DISC1: variants seen among roughly 807,000 people sequenced by gnomAD.
The protein encoded by DISC1 is DISC1 scaffold protein.
In DISC1, 57 loss-of-function variants were observed where a neutral mutation model predicts 84.5. The ratio of observed to expected loss-of-function variants is 0.67; its 90% CI spans 0.55 to 0.84. DISC1 has a LOEUF of 0.84. Among genes scored for constraint, DISC1 ranks in the 40% least tolerant of loss-of-function variants. DISC1 has a pLI of 0.00. For missense variants in DISC1, 1,000 were observed against 1,057.8 expected (o/e 0.95, Z 0.76); for synonymous variants, 411 against 415.2 (o/e 0.99, Z 0.12).
intron 3 of DISC1, chr1:231,720,729 G>T: frequency 1.4e-6 from 1 of 737,562 alleles, no homozygotes; most frequent in Non-Finnish European, 2.0e-6. Context: ...TTTCCCTTGG[G>T]GCTTTCTGCA....
chr1:231,813,556 G>T (rs149327181), intron 8 of DISC1, among the ~76,000 whole-genome samples: 1 of 152,100 alleles, frequency 6.6e-6, no homozygotes, highest in African/African-American at 2.4e-5. Flanking sequence ...TTACCGATCC[G>T]GGAAAAGTTT....
Position 232,031,763 on chromosome 1 carries a change from T to C in DISC1, c.2426-4929T>C, listed in dbSNP as rs1303755376. 6.6e-6 allele frequency among the ~76,000 whole-genome samples: 1 copy of C among 151,910 alleles called. No individual in the cohort carries two copies. The highest frequency in any genetic ancestry group is 1.5e-5 in the Non-Finnish European group (1 of 67,968). ...TTGGCACAAGGTAGGCAACACAGAG[T>C]TTCTGTGTACAAGCATCAAATCCTT... On this transcript the variant is annotated intron_variant, in intron 12 of 12. Transcript: ENST00000439617. The surrounding 1 kb of genome is among the most constrained non-coding windows in gnomAD (Gnocchi z 4.6).
chr1:231,900,289 T>C (rs1295011206), intron 9 of DISC1, among the ~76,000 whole-genome samples: 2 of 152,212 alleles, frequency 1.3e-5, no homozygotes, highest in Admixed American at 6.5e-5. Flanking sequence ...TCCCCGTTCA[T>C]GGAAAAATAC....
In DISC1 at chr1:231,642,275, G is replaced by A. The variant is rs1265449445; in HGVS notation, c.67+15341G>A. On this transcript the variant is annotated intron_variant, in intron 1 of 12. Coordinates refer to ENST00000439617, the MANE Select transcript of DISC1 (RefSeq NM_018662.3). ...GCACCGCGCGCAGCCCCCGGTTCCC[G>A]CCCGCGCCTCTCCCTCCACACCTGC... 5.3e-5 allele frequency among the ~76,000 whole-genome samples: 8 copies of A among 152,308 alleles called. No individual in the cohort carries two copies. In the East Asian group the frequency reaches 7.7e-4, roughly 15 times the overall value.
intron 6 of DISC1, among the ~76,000 whole-genome samples, chr1:231,774,205 G>A (rs2076779583): frequency 6.6e-6 from 1 of 152,080 alleles, no homozygotes; most frequent in South Asian, 2.1e-4. Context: ...AGTGAACTAT[G>A]ATTGTGCCAC....
intron 9 of DISC1, chr1:231,854,870 C>T (rs2125910200): frequency 2.4e-6 from 1 of 420,552 alleles, no homozygotes; most frequent in Admixed American, 2.6e-5. Context: ...GTGCCCGCCA[C>T]CATGCCTGGC....
chr1:232,027,850 C>G (rs991660072), intron 12 of DISC1, among the ~76,000 whole-genome samples: 1 of 148,974 alleles, frequency 6.7e-6, no homozygotes, highest in Non-Finnish European at 1.5e-5. Context: ...TTTGAATGGC[C>G]AAGGATTAAT....
At chr1:231,737,465 A>G (rs2072659720) in intron 3 of DISC1, among the ~76,000 whole-genome samples, 1 of 152,256 alleles carries the variant, frequency 6.6e-6, no homozygotes, top group Non-Finnish European at 1.5e-5. Context: ...ATAAACTGAA[A>G]TCACATTAAC....
At position 231,698,797 on chromosome 1, in the gene DISC1, C is replaced by T. The variant is rs774182240; in HGVS notation, c.1048-3158C>T. ...TGTGGCCCTCAAACCATTCACACAG[C>T]CTTTCTTCTGTCCCTAATATATAGG... On this transcript the variant is annotated intron_variant, in intron 2 of 12. Transcript: ENST00000439617. The surrounding 1 kb of genome is among the most constrained non-coding windows in gnomAD (Gnocchi z 4.9). Among the ~76,000 whole-genome samples, 1 of 152,162 alleles carries T rather than the reference C, an allele frequency of 6.6e-6. No individual in the cohort carries two copies. Among genetic ancestry groups the T allele is most frequent in the Non-Finnish European group, 1.5e-5 (1 of 68,030 alleles).
At chr1:231,876,517 A>C (rs1409436180) in intron 9 of DISC1, among the ~76,000 whole-genome samples, 2 of 152,202 alleles carry the variant, frequency 1.3e-5, no homozygotes, top group African/African-American at 2.4e-5. Flanking sequence ...TATGTCTTTT[A>C]ACATCTTAAG....
chr1:231,779,041 A>T (rs1414059346), intron 6 of DISC1, among the ~76,000 whole-genome samples: 4 of 152,106 alleles, frequency 2.6e-5, no homozygotes, highest in Non-Finnish European at 5.9e-5. Context: ...TAAGATACCA[A>T]ATTATAAACA....
At chr1:231,766,326 T>C (rs943111900) in intron 4 of DISC1, among the ~76,000 whole-genome samples, 4 of 150,052 alleles carry the variant, frequency 2.7e-5, no homozygotes, top group Non-Finnish European at 5.9e-5. Flanking sequence ...AGAAGAAAGT[T>C]AATCAAGTGA....
At chr1:231,992,251 A>G (rs1236613545) in intron 10 of DISC1, among the ~76,000 whole-genome samples, 1 of 152,104 alleles carries the variant, frequency 6.6e-6, no homozygotes, top group Non-Finnish European at 1.5e-5. Flanking sequence ...CAACTCTCAG[A>G]CCTTTGTCTC....
intron 1 of DISC1, among the ~76,000 whole-genome samples, chr1:231,651,740 C>T (rs1314384614): frequency 1.3e-5 from 2 of 152,252 alleles, no homozygotes; most frequent in Non-Finnish European, 2.9e-5. Flanking sequence ...CGGTGGGCTC[C>T]GCCCAGTTCA....
At chr1:231,837,863 A>C (rs2125848005) in intron 9 of DISC1, among the ~76,000 whole-genome samples, 1 of 152,288 alleles carries the variant, frequency 6.6e-6, no homozygotes, top group South Asian at 2.1e-4. Context: ...AATAGTTCCT[A>C]ATCTGGTTTG....
rs1206648254 is a variant in DISC1 at position 231,995,466 on chromosome 1, A to G, written c.2043-13319A>G. ...TAACTCGTCATTTAGCATTAGGTAT[A>G]TCTCCTAATGCTATCCCTCCCCCCT... On this transcript the variant is annotated intron_variant, in intron 10 of 12. Transcript: ENST00000439617. 1.8e-4 allele frequency among the ~76,000 whole-genome samples: 28 copies of G among 151,988 alleles called. No homozygotes were observed. The East Asian group carries it at 5.2e-3, about 28-fold the overall frequency.
At chr1:231,631,899 T>C (rs970516424) in intron 1 of DISC1, among the ~76,000 whole-genome samples, 3 of 152,172 alleles carry the variant, frequency 2.0e-5, no homozygotes, top group African/African-American at 7.2e-5. Flanking sequence ...AACCCTCACG[T>C]GCACTCACCA....
At chr1:231,935,646 G>A (rs973629036) in intron 9 of DISC1, among the ~76,000 whole-genome samples, 9 of 152,084 alleles carry the variant, frequency 5.9e-5, no homozygotes, top group African/African-American at 2.2e-4. Context: ...CCTTATACAG[G>A]GTTTGGCGTC....
intron 10 of DISC1, among the ~76,000 whole-genome samples, chr1:231,987,054 G>A (rs1291711124): frequency 6.6e-6 from 1 of 152,214 alleles, no homozygotes; most frequent in African/African-American, 2.4e-5. Context: ...TCATGAGAAA[G>A]GGCGGTTGTG....
Sources: allele counts gnomAD v4.1 joint callset (sites outside exome capture counted in the v4.1 genomes callset), GRCh38; gene constraint gnomAD v4.1.1; non-coding constraint Gnocchi (gnomAD v3.1); transcripts MANE v1.5; gene names NCBI Gene and HGNC (gene_info 2026-07-23, HGNC 2026-07-21).